PIK3C2A: variants seen among roughly 807,000 people sequenced by gnomAD.
The protein encoded by PIK3C2A is phosphatidylinositol 4-phosphate 3-kinase C2 domain-containing subunit alpha.
A neutral mutation model predicts 204.5 loss-of-function variants in PIK3C2A; 97 were observed. The ratio of observed to expected loss-of-function variants is 0.47; its 90% CI spans 0.40 to 0.56. The LOEUF is 0.56. Among genes scored for constraint, PIK3C2A ranks in the 20% least tolerant of loss-of-function variants. The pLI is 0.00. For missense variants in PIK3C2A, 1,735 were observed against 1,969.2 expected (o/e 0.88, Z 2.25); for synonymous variants, 653 against 664.4 (o/e 0.98, Z 0.26).
chr11:17,178,124 T>TAAAAAA, intron 1 of PIK3C2A, among the ~76,000 whole-genome samples: 1 of 119,496 alleles, frequency 8.4e-6, no homozygotes, highest in Middle Eastern at 5.3e-3. Flanking sequence ...AAAAAAAAAA[T>TAAAAAA]TGCATGTCAC....
intron 8 of PIK3C2A, 42 bp downstream of exon 8, chr11:17,145,626 G>T (rs1448211139): frequency 6.8e-6 from 8 of 1,168,664 alleles, no homozygotes; most frequent in Non-Finnish European, 1.0e-5. Flanking sequence ...GAAGCAGCAA[G>T]AATCTTTAAG....
chr11:17,091,023 A>G (rs1282486269), intron 32 of PIK3C2A, among the ~76,000 whole-genome samples: 1 of 151,914 alleles, frequency 6.6e-6, no homozygotes, highest in Non-Finnish European at 1.5e-5. Flanking sequence ...CTAGGATTAC[A>G]GGCATGAGCC....
chr11:17,144,659 C>T (rs1850170175), intron 8 of PIK3C2A, among the ~76,000 whole-genome samples: 1 of 151,956 alleles, frequency 6.6e-6, no homozygotes. Flanking sequence ...CTTTAGATGG[C>T]CAAGGTGGGA....
chr11:17,201,209 A>C (rs1319995307), intron 1 of PIK3C2A, among the ~76,000 whole-genome samples: 2 of 150,884 alleles, frequency 1.3e-5, no homozygotes, highest in Non-Finnish European at 2.9e-5. Context: ...CTATCTAAAA[A>C]ATAAAAATAA....
At chr11:17,095,103 G>A (rs1848414293) in intron 27 of PIK3C2A, among the ~76,000 whole-genome samples, 1 of 152,024 alleles carries the variant, frequency 6.6e-6, no homozygotes, top group Non-Finnish European at 1.5e-5. Context: ...ATAAAGATTA[G>A]CCAACTGTGG....
chr11:17,162,901 T>C (rs1850826453), intron 2 of PIK3C2A, among the ~76,000 whole-genome samples: 1 of 152,232 alleles, frequency 6.6e-6, no homozygotes, highest in Admixed American at 6.5e-5. Flanking sequence ...ATGAAACCTG[T>C]CTCCCTGACT....
chr11:17,199,121 G>GAA (rs200717915), intron 1 of PIK3C2A, among the ~76,000 whole-genome samples: 3 of 99,242 alleles, frequency 3.0e-5, no homozygotes, highest in Non-Finnish European at 7.2e-5. Context: ...ACCGTCTCAA[G>GAA]AAAAAAAAAA....
At chr11:17,154,911 G>A (rs569476819) in intron 3 of PIK3C2A, among the ~76,000 whole-genome samples, 1 of 152,272 alleles carries the variant, frequency 6.6e-6, no homozygotes, top group Admixed American at 6.5e-5. Flanking sequence ...CGTAACAGAA[G>A]TCACAACTAA....
At chr11:17,146,482 G>A (rs1850247969) in intron 6 of PIK3C2A, among the ~76,000 whole-genome samples, 1 of 151,950 alleles carries the variant, frequency 6.6e-6, no homozygotes, top group Non-Finnish European at 1.5e-5. Context: ...GGAGACCAAG[G>A]TAGGTGAATC....
chr11:17,098,113 C>T (rs1312424125), intron 26 of PIK3C2A, among the ~76,000 whole-genome samples: 1 of 152,108 alleles, frequency 6.6e-6, no homozygotes. Flanking sequence ...AAATAAGTCT[C>T]AGAAACAAGG....
At chr11:17,138,017 T>G (rs1257194770) in intron 8 of PIK3C2A, 2 of 627,388 alleles carry the variant, frequency 3.2e-6, no homozygotes, top group Admixed American at 1.9e-5. Flanking sequence ...TTCAACACTT[T>G]CACAATGATT....
chr11:17,172,636 A>G (rs1056986432), intron 1 of PIK3C2A, among the ~76,000 whole-genome samples: 10 of 152,186 alleles, frequency 6.6e-5, no homozygotes, highest in African/African-American at 2.4e-4. Context: ...TTAGCAACAA[A>G]CTTCTGTTTT....
intron 8 of PIK3C2A, among the ~76,000 whole-genome samples, chr11:17,142,019 G>A (rs1393939142): frequency 6.6e-6 from 1 of 151,910 alleles, no homozygotes; most frequent in African/African-American, 2.4e-5. Flanking sequence ...GTAGGGAAGG[G>A]GGTATATGAG....
At chr11:17,089,989 G>A in intron 32 of PIK3C2A, 69 bp from the exon 33 acceptor site, 1 of 1,162,088 alleles carries the variant, frequency 8.6e-7, no homozygotes, top group Non-Finnish European at 1.2e-6. Flanking sequence ...AACATTTCAA[G>A]TGAAAACGTG....
chr11:17,160,917 G>A (rs1446856183), intron 2 of PIK3C2A, among the ~76,000 whole-genome samples: 1 of 152,116 alleles, frequency 6.6e-6, no homozygotes, highest in Non-Finnish European at 1.5e-5. Flanking sequence ...GTTAAGTTTT[G>A]GAAAAGGGAA....
intron 19 of PIK3C2A, chr11:17,115,530 C>T (rs1187434361): frequency 7.0e-6 from 1 of 143,832 alleles, no homozygotes; most frequent in Non-Finnish European, 1.5e-5. Flanking sequence ...AACAGAGAGA[C>T]CTCATCTCAA....
At position 17,178,753 on chromosome 11, in the gene PIK3C2A, C is replaced by T. The variant is rs1445900116; in HGVS notation, c.-65-8947G>A. On this transcript the variant is annotated intron_variant, in intron 1 of 32. Coordinates refer to ENST00000691414, the MANE Select transcript of PIK3C2A (RefSeq NM_002645.4). ...TTTTTTTTTTTTTGAGACGGAGTCT[C>T]GCTCTGTCGCCCAGGCCGGACTGCG... is the stretch of plus-strand genomic sequence containing the variant. Among the ~76,000 whole-genome samples the T allele has an allele frequency of 1.9e-4, 23 of 123,122 alleles. 2 individuals are homozygous for T. The Admixed American group carries it at 2.3e-3, about 12-fold the overall frequency. 80.8% of individuals were successfully genotyped at this position (123,122 alleles called of 152,430 possible).
At chr11:17,127,726 A>T (rs541375450) in intron 13 of PIK3C2A, among the ~76,000 whole-genome samples, 1 of 152,304 alleles carries the variant, frequency 6.6e-6, no homozygotes, top group Admixed American at 6.5e-5. Flanking sequence ...CAAATGGTGT[A>T]TTTGCCATTT....
intron 27 of PIK3C2A, among the ~76,000 whole-genome samples, chr11:17,096,223 G>A (rs1166101994): frequency 1.3e-5 from 2 of 150,916 alleles, no homozygotes; most frequent in African/African-American, 4.9e-5. Context: ...ATTTTTATTA[G>A]AGACGGGGTT....
Sources: allele counts gnomAD v4.1 joint callset (sites outside exome capture counted in the v4.1 genomes callset), GRCh38; gene constraint gnomAD v4.1.1; transcripts MANE v1.5; gene names NCBI Gene and HGNC (gene_info 2026-07-23, HGNC 2026-07-21).